The following ABLIM2 variants were observed in gnomAD, a reference collection of about 807,000 sequenced individuals.
ABLIM2 encodes the protein actin binding LIM protein family member 2.
A neutral mutation model predicts 97.7 loss-of-function variants in ABLIM2; 53 were observed. That is an observed-to-expected ratio of 0.54 (90% CI 0.44 to 0.68). The LOEUF is 0.68. ABLIM2 is among the 30% of genes least tolerant of loss of function. The probability of loss-of-function intolerance (pLI) is 0.00; values close to 1 mark genes in which losing one functional copy is unlikely to be tolerated. For synonymous variants in ABLIM2, 361 were observed against 345.8 expected (o/e 1.04, Z -0.49); for missense variants, 835 against 867.2 (o/e 0.96, Z 0.47).
At chr4:8,111,857 G>A (rs1840488331) in intron 1 of ABLIM2, among the ~76,000 whole-genome samples, 3 of 149,398 alleles carry the variant, frequency 2.0e-5, no homozygotes, top group Non-Finnish European at 3.0e-5. Flanking sequence ...AACCCGGGAG[G>A]CAGAGGTCGC....
rs1436001208 is a variant in ABLIM2, at chr4:8,091,316, T to A, written c.339-3032A>T. Among the ~76,000 whole-genome samples, 235 of 27,298 alleles carry A rather than the reference T, an allele frequency of 8.6e-3. 12 individuals are homozygous for A. The highest frequency in any genetic ancestry group is 0.033 in the Middle Eastern group (2 of 60). The allele number at this position is 27,298 out of a possible 152,430, so 17.9% of individuals were successfully genotyped here. A position where few individuals can be genotyped will look rare whatever the true frequency, so the allele number is the denominator to read the frequency against. ...TATTATATATTATATTATATATATA[T>A]AATTATATATATATTATATATATAA... On this transcript the variant is annotated intron_variant, in intron 3 of 20. Coordinates refer to ENST00000447017, the MANE Select transcript of ABLIM2 (RefSeq NM_001130083.2).
In ABLIM2 at chr4:7,999,071, A is replaced by C. The variant is rs934668417; in HGVS notation, c.1619-6144T>G. ...AGCGCTGAGAATCACTGGTTTATTT[A>C]TTTTATTTTTTGAGACGGAGTTTTG... On this transcript the variant is annotated intron_variant, in intron 16 of 20. Coordinates refer to ENST00000447017, the MANE Select transcript of ABLIM2 (RefSeq NM_001130083.2). This position sits in a 1 kb window ranked among gnomAD's most constrained non-coding sequence, Gnocchi z 4.4. Among the ~76,000 whole-genome samples the C allele has an allele frequency of 6.6e-6, 1 of 151,998 alleles. No individual in the cohort carries two copies. The highest frequency in any genetic ancestry group is 1.5e-5 in the Non-Finnish European group (1 of 67,992).
Position 8,033,945 on chromosome 4 carries a change from G to A in ABLIM2, c.1047+2204C>T, listed in dbSNP as rs1158759205. On this transcript the variant is annotated intron_variant, in intron 10 of 20. Coordinates refer to ENST00000447017, the MANE Select transcript of ABLIM2 (RefSeq NM_001130083.2). The surrounding 1 kb of genome is among the most constrained non-coding windows in gnomAD (Gnocchi z 4.5). ...TTCATGGCCACAGAGCCCTCCCACA[G>A]GGACACACGCACTCAAACCAGGAAG... 6.6e-6 allele frequency among the ~76,000 whole-genome samples: 1 copy of A among 152,162 alleles called. No individual in the cohort carries two copies. Among genetic ancestry groups the A allele is most frequent in the East Asian group, 1.9e-4 (1 of 5,194 alleles).
Position 8,080,810 on chromosome 4 carries a change from A to C in ABLIM2, c.455-8T>G, listed in dbSNP as rs752240445. The stretch of plus-strand genomic sequence containing the variant: ...TGCCGCAGCCCCCACAACCTGGAAG[A>C]AAGAGAAGAGAACACAGACACCCCC... On this transcript the variant is annotated splice_region_variant and splice_polypyrimidine_tract_variant and intron_variant, in intron 4 of 20. Transcript: ENST00000447017. 6.2e-7 allele frequency: 1 copy of C among 1,602,262 alleles called. No individual in the cohort carries two copies. Among genetic ancestry groups the C allele is most frequent in the Admixed American group, 1.7e-5 (1 of 59,378 alleles).
rs1225680182 is a variant in ABLIM2 at position 7,998,409 on chromosome 4, T to C, written c.1619-5482A>G. On this transcript the variant is annotated intron_variant, in intron 16 of 20. Transcript: ENST00000447017. The surrounding 1 kb of genome is among the most constrained non-coding windows in gnomAD (Gnocchi z 6.4). The stretch of plus-strand genomic sequence containing the variant: ...AATGACAATTTGCTTTTCAGAATGC[T>C]TGCTGAAGTGCTATTCTGGTCTGCT... Among the ~76,000 whole-genome samples, 3 of 152,198 alleles carry C rather than the reference T, an allele frequency of 2.0e-5. No homozygotes were observed. The highest frequency in any genetic ancestry group is 7.2e-5 in the African/African-American group (3 of 41,444).
chr4:8,082,794 C>T lies in ABLIM2; in HGVS notation c.455-1992G>A, dbSNP rs934176750. 2.6e-5 allele frequency among the ~76,000 whole-genome samples: 4 copies of T among 152,212 alleles called. No homozygotes were observed. Among genetic ancestry groups the T allele is most frequent in the African/African-American group, 7.2e-5 (3 of 41,466 alleles). ...AAAGTGAGAGGATGCCTCCGCCCTT[C>T]TCAAGTCCAGGAGGCGACCCCCACA... On this transcript the variant is annotated intron_variant, in intron 4 of 20. Coordinates refer to ENST00000447017, the MANE Select transcript of ABLIM2 (RefSeq NM_001130083.2). This position sits in a 1 kb window ranked among gnomAD's most constrained non-coding sequence, Gnocchi z 5.6.
chr4:8,135,047 C>T (rs1849987111), intron 1 of ABLIM2, among the ~76,000 whole-genome samples: 1 of 152,176 alleles, frequency 6.6e-6, no homozygotes, highest in South Asian at 2.1e-4. Flanking sequence ...CTCAGCCAAA[C>T]CCAGACATGA....
chr4:7,976,876 CAT>C (rs1373019574), intron 20 of ABLIM2, among the ~76,000 whole-genome samples: 15 of 150,534 alleles, frequency 1.0e-4, no homozygotes, highest in South Asian at 6.4e-4. Flanking sequence ...CATACATAAA[CAT>C]ACACACACGC....
rs763786717 is a variant in ABLIM2, at chr4:8,019,633, T to C, written c.1408A>G (p.Ile470Val). 10 of 1,612,074 alleles carry C rather than the reference T, an allele frequency of 6.2e-6. No individual in the cohort carries two copies. The highest frequency in any genetic ancestry group is 2.7e-5 in the African/African-American group (2 of 74,860). Residue 470 changes from isoleucine (I) to valine (V), a missense_variant, in exon 14 of 21, where the codon ATC (isoleucine) becomes GTC (valine). Transcript: ENST00000447017. The surrounding 1 kb of genome is among the most constrained non-coding windows in gnomAD (Gnocchi z 4.3). ...CCAACCGTACCATGCTGTCTGTAGATAGGGGGTTTCCTATAGATGTTATCT... is the reference window on the plus strand; with the variant it reads ...CCAACCGTACCATGCTGTCTGTAGACAGGGGGTTTCCTATAGATGTTATCT... Reference protein sequence around the residue: ...VKDNIYRKPPIYRQHAARRSD... With the variant: ...VKDNIYRKPPVYRQHAARRSD...
Position 7,966,989 on chromosome 4 carries a change from G to A in ABLIM2, c.*1C>T, listed in dbSNP as rs202215319. The A allele has an allele frequency of 3.2e-3, 5,213 of 1,611,782 alleles. 23 individuals carry two copies. The highest frequency in any genetic ancestry group is 0.01 in the South Asian group (921 of 91,060). ...ACACCAGTGGGGCAGGCTGGCAGCCGTCAGAACAAAAGGGCTTTCTTCTTA... is the reference window on the plus strand; with the variant it reads ...ACACCAGTGGGGCAGGCTGGCAGCCATCAGAACAAAAGGGCTTTCTTCTTA... On this transcript the variant is annotated 3_prime_UTR_variant, in exon 21 of 21. Transcript: ENST00000447017.
intron 1 of ABLIM2, among the ~76,000 whole-genome samples, chr4:8,131,692 TC>T (rs1378628920): frequency 3.3e-5 from 3 of 91,274 alleles, no homozygotes; most frequent in African/African-American, 1.4e-4. Context: ...GCAGCCCGCA[TC>T]CCCAGCACAG....
At chr4:8,008,827 T>C (rs1244114998) in intron 15 of ABLIM2, among the ~76,000 whole-genome samples, 1 of 152,212 alleles carries the variant, frequency 6.6e-6, no homozygotes, top group Non-Finnish European at 1.5e-5. Flanking sequence ...CACAGAACCA[T>C]AACCAAGTCA....
intron 14 of ABLIM2, among the ~76,000 whole-genome samples, chr4:8,011,725 G>C (rs1182447613): frequency 6.6e-6 from 1 of 152,220 alleles, no homozygotes; most frequent in Non-Finnish European, 1.5e-5. Context: ...TATCACACAG[G>C]CAGCTCCTTC....
intron 2 of ABLIM2, 80 bp from the exon 3 acceptor site, chr4:8,097,362 C>CCA: frequency 1.1e-5 from 16 of 1,484,738 alleles, no homozygotes; most frequent in Non-Finnish European, 1.3e-5. Context: ...GCACCCCCCT[C>CCA]CACACACACA....
intron 17 of ABLIM2, among the ~76,000 whole-genome samples, chr4:7,989,815 C>T (rs552417553): frequency 6.6e-6 from 1 of 152,292 alleles, no homozygotes; most frequent in African/African-American, 2.4e-5. Context: ...ACCACAAGGA[C>T]CTGCTGCCAC....
At chr4:8,010,228 C>G (rs76025863) in intron 14 of ABLIM2, among the ~76,000 whole-genome samples, 1 of 152,194 alleles carries the variant, frequency 6.6e-6, no homozygotes, top group African/African-American at 2.4e-5. Context: ...ACATTTCCAG[C>G]GAAGAATGAG....
rs929848745 is a variant in ABLIM2, at chr4:8,083,778, A to G, written c.455-2976T>C. Among the ~76,000 whole-genome samples, 2 of 152,120 alleles carry G rather than the reference A, an allele frequency of 1.3e-5. No individual in the cohort carries two copies. The highest frequency in any genetic ancestry group is 4.8e-5 in the African/African-American group (2 of 41,422). ...GGCAGAAGGGGCCCCAGGACCCCCC[A>G]ATGTCAGCTGGCCACGTGCCCGTAC... On this transcript the variant is annotated intron_variant, in intron 4 of 20. Coordinates refer to ENST00000447017, the MANE Select transcript of ABLIM2 (RefSeq NM_001130083.2). This position sits in a 1 kb window ranked among gnomAD's most constrained non-coding sequence, Gnocchi z 4.6.
chr4:8,031,848 C>G (rs1023255964), intron 10 of ABLIM2, among the ~76,000 whole-genome samples: 1 of 151,960 alleles, frequency 6.6e-6, no homozygotes, highest in Non-Finnish European at 1.5e-5. Flanking sequence ...CCTCAGCTTC[C>G]GACTAGCTGG....
rs397947626 is a variant in ABLIM2, at chr4:8,039,874, G to GTTTTTTTT, written c.901-3587_901-3580dup. Among the ~76,000 whole-genome samples, 111 of 108,604 alleles carry GTTTTTTTT rather than the reference G, an allele frequency of 1.0e-3. 5 individuals are homozygous for GTTTTTTTT. The highest frequency in any genetic ancestry group is 5.1e-3 in the South Asian group (16 of 3,116). The allele number at this position is 108,604 out of a possible 152,430, so 71.2% of individuals were successfully genotyped here. On this transcript the variant is annotated intron_variant, in intron 9 of 20. Coordinates refer to ENST00000447017, the MANE Select transcript of ABLIM2 (RefSeq NM_001130083.2). The stretch of plus-strand genomic sequence containing the variant: ...AATTTCCTCTGGTGTGCTGATTACT[G>GTTTTTTTT]TTTTTTTTTTTTTTTTTTTTTTAAT...
Sources: gnomAD v4.1 joint callset for allele counts (sites outside exome capture counted in the v4.1 genomes callset) on GRCh38, gnomAD v4.1.1 for gene constraint, Gnocchi (gnomAD v3.1) non-coding constraint, MANE v1.5 for transcripts, NCBI Gene and HGNC (gene_info 2026-07-23, HGNC 2026-07-21) for gene names.